Variants in LRIF1 observed in about 807,000 individuals in gnomAD.
LRIF1 encodes the protein ligand dependent nuclear receptor interacting factor 1.
A neutral mutation model predicts 52.7 loss-of-function variants in LRIF1; 32 were observed. The observed-to-expected ratio is 0.61, with a 90% confidence interval of 0.46 to 0.82. The LOEUF is 0.82. LRIF1 is among the 40% of genes least tolerant of loss of function. LRIF1 has a pLI of 0.00. For missense variants in LRIF1, 887 were observed against 892.0 expected (o/e 0.99, Z 0.07); for synonymous variants, 323 against 317.4 (o/e 1.02, Z -0.19).
rs1490323131 is a variant in LRIF1, at chr1:110,947,798, G to A, written c.*161C>T. Reference sequence around the variant, plus strand: ...CATGTAAATTATTCACAAGTCATATGTGAATCAACCTTTTCTGTATTCCTT... The same window carrying A: ...CATGTAAATTATTCACAAGTCATATATGAATCAACCTTTTCTGTATTCCTT... On this transcript the variant is annotated 3_prime_UTR_variant, in exon 4 of 4. Transcript: ENST00000369763. 2.1e-6 allele frequency: 2 copies of A among 955,884 alleles called. No homozygotes were observed. Among genetic ancestry groups the A allele is most frequent in the Non-Finnish European group, 2.9e-6 (2 of 686,974 alleles). The allele number at this position is 955,884 out of a possible 1,614,324, so 59.2% of individuals were successfully genotyped here. A position where few individuals can be genotyped will look rare whatever the true frequency, so the allele number is the denominator to read the frequency against.
chr1:110,951,849 C>T lies in LRIF1; in HGVS notation c.1035G>A (p.Thr345=), dbSNP rs572605758. 2.3e-4 allele frequency: 374 copies of T among 1,613,254 alleles called. 1 individual carries two copies. In the South Asian group the frequency reaches 3.5e-3, roughly 15 times the overall value. Residue 345 remains threonine (T), a synonymous_variant, in exon 2 of 4, where the codon ACG becomes ACA. Coordinates refer to ENST00000369763, the MANE Select transcript of LRIF1 (RefSeq NM_018372.4). The part of the protein sequence containing the change: ...PPLSTIDPSG[T]RSKNMPIKDN... The stretch of plus-strand genomic sequence containing the variant: ...CTTTAATAGGCATATTTTTGGATCG[C>T]GTCCCACTAGGATCGATGGTACTCA...
intron 1 of LRIF1, chr1:110,963,271 C>G (rs1659040276): frequency 1.1e-5 from 2 of 175,700 alleles, no homozygotes; most frequent in Admixed American, 5.8e-5. Flanking sequence ...GTGCTGACTG[C>G]TGCGTTTCTG....
Position 110,948,318 on chromosome 1 carries a change from T to G in LRIF1, c.1951A>C (p.Asn651His), listed in dbSNP as rs753528581. 6.2e-7 allele frequency: 1 copy of G among 1,614,140 alleles called. No individual in the cohort carries two copies. The highest frequency in any genetic ancestry group is 1.1e-5 in the South Asian group (1 of 91,086). ...IKKRKTENAY[N>H]AIINGEANVT... ...TTAGCTTCCCCATTTATGATTGCGTTATAAGCATTCTCTGTTTTTCTCTTC... is the reference window on the plus strand; with the variant it reads ...TTAGCTTCCCCATTTATGATTGCGTGATAAGCATTCTCTGTTTTTCTCTTC... The change falls in exon 4 of 4, where the codon AAC becomes CAC. Residue 651 changes from asparagine (N) to histidine (H), a missense_variant. Asn to His is a moderately conservative substitution (Grantham distance 68, BLOSUM62 1). Coordinates refer to ENST00000369763, the MANE Select transcript of LRIF1 (RefSeq NM_018372.4).
At chr1:110,935,393 C>A in the LRIF1 span, among the ~76,000 whole-genome samples, 1 of 152,128 alleles carries the variant, frequency 6.6e-6, no homozygotes, top group Non-Finnish European at 1.5e-5. Context: ...CTTTCAGACA[C>A]AGAATTTAAA....
At chr1:110,915,972 G>T in the LRIF1 span, among the ~76,000 whole-genome samples, 1 of 152,106 alleles carries the variant, frequency 6.6e-6, no homozygotes, top group Admixed American at 6.5e-5. Flanking sequence ...TGTGGTAGGA[G>T]AAAATAAATG....
chr1:110,957,556 T>C (rs1404946469), intron 1 of LRIF1, among the ~76,000 whole-genome samples: 1 of 151,042 alleles, frequency 6.6e-6, no homozygotes, highest in African/African-American at 2.4e-5. Context: ...ATGACTCCCA[T>C]AGTTATATCC....
At chr1:110,895,784 C>A in the LRIF1 span, among the ~76,000 whole-genome samples, 1 of 152,112 alleles carries the variant, frequency 6.6e-6, no homozygotes, top group Non-Finnish European at 1.5e-5. Context: ...AAAAATGAAT[C>A]TCCCAACTCT....
At chr1:110,881,838 T>G in the LRIF1 span, among the ~76,000 whole-genome samples, 1 of 152,214 alleles carries the variant, frequency 6.6e-6, no homozygotes, top group African/African-American at 2.4e-5. Context: ...ACCATGGTTT[T>G]AATTTGCATT....
At chr1:110,885,493 G>A in the LRIF1 span, among the ~76,000 whole-genome samples, 8 of 147,536 alleles carry the variant, frequency 5.4e-5, no homozygotes, top group Middle Eastern at 3.8e-3. Context: ...AGCCGAGATC[G>A]CGCCACTGCA....
At chr1:110,891,659 T>C in the LRIF1 span, among the ~76,000 whole-genome samples, 1 of 152,124 alleles carries the variant, frequency 6.6e-6, no homozygotes. Flanking sequence ...ACCTGCAAAA[T>C]TGAAAGGTAC....
the LRIF1 span, among the ~76,000 whole-genome samples, chr1:110,884,084 A>C: frequency 2.0e-5 from 3 of 151,876 alleles, no homozygotes; most frequent in Non-Finnish European, 4.4e-5. Context: ...TACTTTTTCT[A>C]GTTTCTCAAG....
At chr1:110,891,788 T>C in the LRIF1 span, among the ~76,000 whole-genome samples, 1 of 152,324 alleles carries the variant, frequency 6.6e-6, no homozygotes, top group East Asian at 1.9e-4. Context: ...AGTGCCTCTG[T>C]TTTTCTTGTC....
At chr1:110,878,249 C>G in the LRIF1 span, among the ~76,000 whole-genome samples, 5 of 152,288 alleles carry the variant, frequency 3.3e-5, no homozygotes, top group East Asian at 7.7e-4. Context: ...TTGAGCAAGG[C>G]CTACATTTGG....
chr1:110,931,394 T>C, the LRIF1 span, among the ~76,000 whole-genome samples: 4 of 152,222 alleles, frequency 2.6e-5, no homozygotes, highest in African/African-American at 9.6e-5. Context: ...TTGATGGACA[T>C]TTGGGTTGGC....
the LRIF1 span, among the ~76,000 whole-genome samples, chr1:110,908,027 T>C: frequency 6.6e-6 from 1 of 152,246 alleles, no homozygotes; most frequent in Non-Finnish European, 1.5e-5. Context: ...GTTTGATTTA[T>C]ATCACGGTGA....
At chr1:110,961,198 A>G (rs770121378) in intron 1 of LRIF1, among the ~76,000 whole-genome samples, 7 of 152,110 alleles carry the variant, frequency 4.6e-5, no homozygotes, top group Non-Finnish European at 7.4e-5. Context: ...CCTTTACTAC[A>G]TCAACTCTAC....
the LRIF1 span, among the ~76,000 whole-genome samples, chr1:110,895,248 T>G: frequency 6.6e-6 from 1 of 152,336 alleles, no homozygotes; most frequent in African/African-American, 2.4e-5. Context: ...CTCTACATTC[T>G]CTCTTTCATC....
At chr1:110,954,202 G>A (rs1054534418) in intron 1 of LRIF1, among the ~76,000 whole-genome samples, 5 of 152,072 alleles carry the variant, frequency 3.3e-5, no homozygotes, top group African/African-American at 1.2e-4. Context: ...TCTGCAGCCC[G>A]AATAACATTA....
downstream of LRIF1, chr1:110,944,775 T>C (rs559395790): frequency 3.1e-3 from 468 of 152,180 alleles, 4 homozygotes; most frequent in African/African-American, 0.011. Flanking sequence ...ATAAGACACA[T>C]AGACCTAGAT....
Sources: gnomAD v4.1 joint callset for allele counts (sites outside exome capture counted in the v4.1 genomes callset) on GRCh38, gnomAD v4.1.1 for gene constraint, MANE v1.5 for transcripts, NCBI Gene and HGNC (gene_info 2026-07-23, HGNC 2026-07-21) for gene names.